The following DNAH2 variants were observed in gnomAD, a reference collection of about 807,000 sequenced individuals.
DNAH2 encodes the protein dynein axonemal heavy chain 2, also known as axonemal beta dynein heavy chain 2.
DNAH2 carries 323 observed loss-of-function variants against 523.5 expected under a neutral mutation model. The ratio of observed to expected loss-of-function variants is 0.62; its 90% confidence interval spans 0.56 to 0.68. The LOEUF (loss-of-function observed/expected upper bound fraction) is 0.68, where lower values mean the gene tolerates loss of function less well. DNAH2 is among the 30% of genes least tolerant of loss of function. The pLI is 0.00. For missense variants in DNAH2, 4,907 were observed against 5,701.5 expected (o/e 0.86, Z 4.49); for synonymous variants, 2,093 against 2,177.4 (o/e 0.96, Z 1.08).
Position 7,831,416 on chromosome 17 carries a change from G to A in DNAH2, c.12486G>A (p.Lys4162=), listed in dbSNP as rs1391617721. 1 of 1,614,168 alleles carries A rather than the reference G, an allele frequency of 6.2e-7. No homozygotes were observed. Among genetic ancestry groups the A allele is most frequent in the Admixed American group, 1.7e-5 (1 of 60,014 alleles). ...EKVLELAADV[K]QKIPEMIDYE... is the part of the protein sequence containing the mutation. ...TCCTTGAGTTGGCCGCTGATGTGAAGCAGAAGATCCCTGAAATGATCGACT... is the reference window on the plus strand; with the variant it reads ...TCCTTGAGTTGGCCGCTGATGTGAAACAGAAGATCCCTGAAATGATCGACT... Residue 4162 remains lysine (K), a synonymous_variant, in exon 81 of 86, where the codon AAG becomes AAA. Coordinates refer to ENST00000572933, the MANE Select transcript of DNAH2 (RefSeq NM_020877.5). This position sits in a 1 kb window ranked among gnomAD's most constrained non-coding sequence, Gnocchi z 4.2.
intron 22 of DNAH2, among the ~76,000 whole-genome samples, chr17:7,767,238 G>C (rs372518037): frequency 1.3e-5 from 2 of 152,118 alleles, no homozygotes; most frequent in South Asian, 2.1e-4. Flanking sequence ...TGTCTTCAAG[G>C]TTCATCCATG....
intron 7 of DNAH2, among the ~76,000 whole-genome samples, chr17:7,736,553 C>T (rs2075147847): frequency 6.6e-6 from 1 of 152,188 alleles, no homozygotes; most frequent in Admixed American, 6.5e-5. Context: ...AGGGCACACA[C>T]ATGAGAAAAG....
rs369160393 is a variant in DNAH2, at chr17:7,743,402, A to G, written c.1904+260A>G. The G allele has an allele frequency of 3.7e-4, 259 of 699,142 alleles. 2 individuals carry two copies. In the East Asian group the frequency reaches 3.9e-3, roughly 11 times the overall value. The allele number at this position is 699,142 out of a possible 1,614,324, so 43.3% of individuals were successfully genotyped here. On this transcript the variant is annotated intron_variant, in intron 12 of 85. Coordinates refer to ENST00000572933, the MANE Select transcript of DNAH2 (RefSeq NM_020877.5). ...AATGATCGGCCAGGCACGGTGGCTC[A>G]CACCTGTAATCCCAGCACTTTGGGA... is the stretch of plus-strand genomic sequence containing the variant.
At chr17:7,747,944 A>G (rs2075562859) in intron 12 of DNAH2, among the ~76,000 whole-genome samples, 1 of 152,228 alleles carries the variant, frequency 6.6e-6, no homozygotes, top group South Asian at 2.1e-4. Flanking sequence ...GGAAGTGAAG[A>G]TAACTTTATC....
intron 20 of DNAH2, 28 bp downstream of exon 20, chr17:7,764,301 T>C: frequency 6.4e-7 from 1 of 1,573,178 alleles, no homozygotes; most frequent in Non-Finnish European, 8.6e-7. Context: ...TTGGTTTACC[T>C]GGGACCCGTA....
At chr17:7,739,073 C>T in intron 8 of DNAH2, 1 of 692,736 alleles carries the variant, frequency 1.4e-6, no homozygotes, top group South Asian at 1.5e-5. Flanking sequence ...CTCCCCACCT[C>T]CCACCCCAGG....
chr17:7,797,937 C>G, intron 53 of DNAH2, 108 bp downstream of exon 53: 1 of 1,472,062 alleles, frequency 6.8e-7, no homozygotes, highest in East Asian at 2.3e-5. Flanking sequence ...CCAGAAGCTG[C>G]CTTTCTCCCT....
At chr17:7,779,588 G>T (rs2076549141) in intron 36 of DNAH2, among the ~76,000 whole-genome samples, 165 bp downstream of exon 36, 1 of 152,190 alleles carries the variant, frequency 6.6e-6, no homozygotes, top group African/African-American at 2.4e-5. Flanking sequence ...AACTTTCCGG[G>T]AGAAGGGGAA....
chr17:7,721,820 T>C (rs1000519217), intron 2 of DNAH2, among the ~76,000 whole-genome samples: 1 of 152,050 alleles, frequency 6.6e-6, no homozygotes, highest in Non-Finnish European at 1.5e-5. Context: ...TCAGAGTGGG[T>C]GTGGCAGAAC....
chr17:7,741,228 TTCTC>T (rs370136085), intron 11 of DNAH2, among the ~76,000 whole-genome samples: 2,120 of 140,666 alleles, frequency 0.015, 40 homozygotes, highest in Middle Eastern at 0.018. Context: ...TTTCTTTTTT[TTCTC>T]TCTCTCTTTC....
At position 7,804,415 on chromosome 17, in the gene DNAH2, G is replaced by GTACC; in HGVS notation, c.9134_9137dup (p.Val3047ProfsTer13). 6.2e-7 allele frequency: 1 copy of GTACC among 1,614,168 alleles called. No homozygotes were observed. The highest frequency in any genetic ancestry group is 8.5e-7 in the Non-Finnish European group (1 of 1,180,042). ...CTGAGTTCCAGAAGCAGTGTGAGGA[G>GTACC]TACCTGGTCATCATTGTGCAGCAGA... is the stretch of plus-strand genomic sequence containing the variant. On this transcript the variant is annotated frameshift_variant, in exon 59 of 86. Transcript: ENST00000572933. LOFTEE classifies it high-confidence loss of function.
chr17:7,786,917 T>C lies in DNAH2; in HGVS notation c.6487T>C (p.Trp2163Arg). 6.2e-7 allele frequency: 1 copy of C among 1,614,218 alleles called. No homozygotes were observed. Among genetic ancestry groups the C allele is most frequent in the South Asian group, 1.1e-5 (1 of 91,088 alleles). ...ACADEKPDEK[W>R]ILFDGPVDTL... Reference sequence around the variant, plus strand: ...CTCAGATGAGAAACCCGACGAGAAGTGGATCCTGTTCGATGGCCCCGTGGA... The same window carrying C: ...CTCAGATGAGAAACCCGACGAGAAGCGGATCCTGTTCGATGGCCCCGTGGA... The change falls in exon 42 of 86, where the codon TGG becomes CGG. Residue 2163 changes from tryptophan to arginine, a missense_variant. Around this residue, in one of 3 missense-constraint regions of DNAH2, gnomAD observed 2,806 missense variants for 3,190.8 expected, o/e 0.88. Transcript: ENST00000572933. The surrounding 1 kb of genome is among the most constrained non-coding windows in gnomAD (Gnocchi z 7.5).
At chr17:7,751,944 T>TGC (rs1276959382) in intron 12 of DNAH2, among the ~76,000 whole-genome samples, 3 of 150,536 alleles carry the variant, frequency 2.0e-5, no homozygotes, top group South Asian at 2.2e-4. Context: ...TGTGTGTGTG[T>TGC]GTGCGTGTTT....
chr17:7,740,627 C>T, intron 10 of DNAH2, 78 bp downstream of exon 10: 1 of 1,583,854 alleles, frequency 6.3e-7, no homozygotes, highest in Non-Finnish European at 8.6e-7. Context: ...GGCCCTCCTG[C>T]CTCCACGTGT....
chr17:7,793,288 A>G (rs996125812), intron 48 of DNAH2, 83 bp downstream of exon 48: 66 of 1,414,020 alleles, frequency 4.7e-5, no homozygotes, highest in Non-Finnish European at 5.6e-5. Context: ...GCCCCAGGCT[A>G]TGGTCCTGTC....
At position 7,786,484 on chromosome 17, in the gene DNAH2, C is replaced by A; in HGVS notation, c.6349-86C>A. 6.8e-7 allele frequency: 1 copy of A among 1,477,310 alleles called. No homozygotes were observed. The highest frequency in any genetic ancestry group is 9.3e-7 in the Non-Finnish European group (1 of 1,072,446). The allele number at this position is 1,477,310 out of a possible 1,614,324, so 91.5% of individuals were successfully genotyped here. ...TGGCCTGGAGCGATGAGAGAAGGGA[C>A]AAATGCACGTACCTAAGAGGGGTCT... On this transcript the variant is annotated intron_variant, in intron 40 of 85. Transcript: ENST00000572933. The surrounding 1 kb of genome is among the most constrained non-coding windows in gnomAD (Gnocchi z 7.5).
chr17:7,720,412 C>T (rs2074566243), intron 2 of DNAH2, among the ~76,000 whole-genome samples: 1 of 152,158 alleles, frequency 6.6e-6, no homozygotes, highest in Non-Finnish European at 1.5e-5. Context: ...ACTTGGTAGA[C>T]TGCGGAGGTT....
chr17:7,748,319 C>G (rs181290104), intron 12 of DNAH2, among the ~76,000 whole-genome samples: 8 of 152,238 alleles, frequency 5.3e-5, no homozygotes, highest in Non-Finnish European at 7.4e-5. Flanking sequence ...GTTTTTTGTT[C>G]CCAGAGCTTC....
Position 7,754,765 on chromosome 17 carries a change from A to T in DNAH2, c.1905-2326A>T, listed in dbSNP as rs2075789281. On this transcript the variant is annotated intron_variant, in intron 12 of 85. Transcript: ENST00000572933. The surrounding 1 kb of genome is among the most constrained non-coding windows in gnomAD (Gnocchi z 4.6). ...TGCCGGCCCAAGGCCAAGGCCAAGG[A>T]TCAAACCAAGGCCCAGGCTGCAGCT... 5 of 944,176 alleles carry T rather than the reference A, an allele frequency of 5.3e-6. No homozygotes were observed. The highest frequency in any genetic ancestry group is 8.5e-6 in the Non-Finnish European group (5 of 588,546). The allele number at this position is 944,176 out of a possible 1,614,324, so 58.5% of individuals were successfully genotyped here. A position where few individuals can be genotyped will look rare whatever the true frequency, so the allele number is the denominator to read the frequency against.
Sources: gnomAD v4.1 joint callset for allele counts (sites outside exome capture counted in the v4.1 genomes callset) on GRCh38, gnomAD v4.1.1 for gene constraint, gnomAD v4.1.1 regional missense constraint, Gnocchi (gnomAD v3.1) non-coding constraint, MANE v1.5 for transcripts, NCBI Gene and HGNC (gene_info 2026-07-23, HGNC 2026-07-21) for gene names.